The following PLCH1 variants were observed in gnomAD, a reference collection of about 807,000 sequenced individuals.
PLCH1 encodes the protein phospholipase C eta 1.
In PLCH1, 60 loss-of-function variants were observed where a neutral mutation model predicts 126.7. The ratio of observed to expected loss-of-function variants is 0.47; its 90% confidence interval spans 0.38 to 0.59. PLCH1 has a LOEUF of 0.59. PLCH1 is among the 20% of genes least tolerant of loss of function. The pLI, the probability that PLCH1 is intolerant of heterozygous loss-of-function variation, is 0.00. For synonymous variants in PLCH1, 719 were observed against 734.9 expected (o/e 0.98, Z 0.35); for missense variants, 1,723 against 2,040.0 (o/e 0.84, Z 2.99).
chr3:155,611,748 A>G (rs1308576030), intron 2 of PLCH1, among the ~76,000 whole-genome samples: 1 of 152,228 alleles, frequency 6.6e-6, no homozygotes, highest in Non-Finnish European at 1.5e-5. Context: ...ATTCTCCAAG[A>G]CAGATTATAT....
intron 9 of PLCH1, among the ~76,000 whole-genome samples, chr3:155,552,648 T>C (rs569255516): frequency 6.6e-6 from 1 of 152,068 alleles, no homozygotes; most frequent in South Asian, 2.1e-4. Context: ...TAAATCTCTG[T>C]GGAATAATGG....
intron 2 of PLCH1, among the ~76,000 whole-genome samples, chr3:155,609,550 T>G (rs1273640211): frequency 6.6e-6 from 1 of 152,154 alleles, no homozygotes; most frequent in Non-Finnish European, 1.5e-5. Context: ...AACAAATCTG[T>G]GAATTGCCAG....
chr3:155,717,722 A>T (rs561415739), intron 1 of PLCH1, among the ~76,000 whole-genome samples: 1 of 152,300 alleles, frequency 6.6e-6, no homozygotes, highest in South Asian at 2.1e-4. Flanking sequence ...CTTCAGTCCT[A>T]CTAGGTCTCA....
At chr3:155,575,515 A>G (rs1401261912) in intron 6 of PLCH1, among the ~76,000 whole-genome samples, 2 of 152,234 alleles carry the variant, frequency 1.3e-5, no homozygotes, top group Non-Finnish European at 2.9e-5. Flanking sequence ...ATGGCCCTGT[A>G]GCAGGGAAAC....
intron 10 of PLCH1, among the ~76,000 whole-genome samples, chr3:155,533,999 A>C (rs1177496170): frequency 1.3e-5 from 2 of 152,222 alleles, no homozygotes; most frequent in African/African-American, 4.8e-5. Flanking sequence ...AGTATGCTAC[A>C]GGGGTGGAGC....
At position 155,520,150 on chromosome 3, in the gene PLCH1, A is replaced by G. The variant is rs78596832; in HGVS notation, c.1470+3747T>C. 7.2e-3 allele frequency among the ~76,000 whole-genome samples: 1,104 copies of G among 152,336 alleles called. 8 individuals carry two copies. Among genetic ancestry groups the G allele is most frequent in the Non-Finnish European group, 0.012 (805 of 68,036 alleles). ...CTACCCCTTGTCGCCAGGATGTACT[A>G]GCATGCCCAGCACCTGGGCTTTTTG... On this transcript the variant is annotated intron_variant, in intron 11 of 22. Coordinates refer to ENST00000460012, the MANE Select transcript of PLCH1 (RefSeq NM_014996.4).
At chr3:155,651,768 T>C (rs547929415) in intron 2 of PLCH1, among the ~76,000 whole-genome samples, 149 of 152,354 alleles carry the variant, frequency 9.8e-4, no homozygotes, top group Non-Finnish European at 5.9e-5. Flanking sequence ...AGGGGATCCC[T>C]AATTCCTTCT....
At chr3:155,638,597 A>G (rs1053679151) in intron 2 of PLCH1, among the ~76,000 whole-genome samples, 3 of 152,180 alleles carry the variant, frequency 2.0e-5, no homozygotes, top group African/African-American at 7.2e-5. Context: ...TTGCATGTGA[A>G]TGTTTATTTG....
At chr3:155,545,482 C>T (rs1725121265) in intron 10 of PLCH1, among the ~76,000 whole-genome samples, 1 of 148,396 alleles carries the variant, frequency 6.7e-6, no homozygotes, top group African/African-American at 2.5e-5. Flanking sequence ...GGTACCATTC[C>T]TTCTGAAACT....
rs1336088186 is a variant in PLCH1 at position 155,550,402 on chromosome 3, C to T, written c.1191-444G>A. On this transcript the variant is annotated intron_variant, in intron 9 of 22. Coordinates refer to ENST00000460012, the MANE Select transcript of PLCH1 (RefSeq NM_014996.4). ...ATTGACTCTAAAATATATAATTAACCCCCACCTTGAAAATTATGATTGAGG... is the reference window on the plus strand; with the variant it reads ...ATTGACTCTAAAATATATAATTAACTCCCACCTTGAAAATTATGATTGAGG... Among the ~76,000 whole-genome samples, 3 of 151,994 alleles carry T rather than the reference C, an allele frequency of 2.0e-5. 1 individual carries two copies. The highest frequency in any genetic ancestry group is 7.3e-5 in the African/African-American group (3 of 41,378).
In PLCH1 at chr3:155,586,180, G is replaced by T; in HGVS notation, c.485C>A (p.Thr162Asn). Residue 162 changes from threonine to asparagine, a missense_variant, in exon 5 of 23, where the codon ACC (threonine) becomes AAC (asparagine). Thr to Asn is a moderately conservative substitution (Grantham distance 65). Transcript: ENST00000460012. ...QRTHDQWVKQ[T>N]FEEADKNGDG... The stretch of plus-strand genomic sequence containing the variant: ...ACCATTCTTATCAGCTTCCTCAAAG[G>T]TCTGCTTCACCCATGTGCAGAAAGG... The T allele has an allele frequency of 2.5e-6, 4 of 1,614,062 alleles. No homozygotes were observed. The highest frequency in any genetic ancestry group is 2.5e-6 in the Non-Finnish European group (3 of 1,179,962).
chr3:155,667,203 T>C (rs572605132), intron 2 of PLCH1, among the ~76,000 whole-genome samples: 13 of 152,188 alleles, frequency 8.5e-5, no homozygotes, highest in Non-Finnish European at 1.8e-4. Flanking sequence ...TCGCTTGTCT[T>C]TTGCTATAAT....
chr3:155,481,400 C>T lies in PLCH1; in HGVS notation c.4626G>A (p.Val1542=), dbSNP rs371623681. 3.1e-6 allele frequency: 5 copies of T among 1,614,118 alleles called. No individual in the cohort carries two copies. Among genetic ancestry groups the T allele is most frequent in the Non-Finnish European group, 4.2e-6 (5 of 1,180,050 alleles). The stretch of plus-strand genomic sequence containing the variant: ...GGCAGTTGTCTTCCTGGTCAAAGGA[C>T]ACAAGCTTCCGAAGCTGCTCGGTCA... ...DALTEQLRKL[V]SFDQEDNCQV... is the part of the protein sequence containing the mutation. The change falls in exon 23 of 23, where the codon GTG becomes GTA. Residue 1542 remains valine (V), a synonymous_variant. Coordinates refer to ENST00000460012, the MANE Select transcript of PLCH1 (RefSeq NM_014996.4). This position sits in a 1 kb window ranked among gnomAD's most constrained non-coding sequence, Gnocchi z 4.2.
Position 155,570,769 on chromosome 3 carries a change from A to G in PLCH1, c.772-2445T>C, listed in dbSNP as rs144706463. ...TCAAGTCCAAAGCACTTTCTTGTAT[A>G]ACTATTCTCTGGGCATTTTTCTTTA... is the stretch of plus-strand genomic sequence containing the variant. On this transcript the variant is annotated intron_variant, in intron 6 of 22. Transcript: ENST00000460012. Among the ~76,000 whole-genome samples, 638 of 152,322 alleles carry G rather than the reference A, an allele frequency of 4.2e-3. 1 individual carries two copies. The highest frequency in any genetic ancestry group is 7.1e-3 in the Admixed American group (108 of 15,296).
chr3:155,473,524 C>G (rs560306643), intron 21 of PLCH1, among the ~76,000 whole-genome samples: 12 of 149,574 alleles, frequency 8.0e-5, no homozygotes, highest in African/African-American at 2.7e-4. Flanking sequence ...AGATTCAATG[C>G]CATCCCCATC....
chr3:155,620,236 A>G (rs970041210), intron 2 of PLCH1, among the ~76,000 whole-genome samples: 5 of 152,248 alleles, frequency 3.3e-5, no homozygotes, highest in South Asian at 2.1e-4. Flanking sequence ...CAAAAAAGAA[A>G]AAAAGGCCAG....
At chr3:155,517,398 T>A (rs1720489792) in intron 11 of PLCH1, among the ~76,000 whole-genome samples, 1 of 152,172 alleles carries the variant, frequency 6.6e-6, no homozygotes, top group Admixed American at 6.5e-5. Flanking sequence ...GTACTTATTT[T>A]CTCACACGTC....
At chr3:155,676,042 A>T (rs1426968570) in intron 2 of PLCH1, 2 of 1,535,716 alleles carry the variant, frequency 1.3e-6, no homozygotes, top group South Asian at 2.5e-5. Flanking sequence ...TCTGCCATTA[A>T]ATTTAATACT....
intron 2 of PLCH1, among the ~76,000 whole-genome samples, chr3:155,602,536 T>TCA (rs1476743158): frequency 2.5e-4 from 35 of 142,424 alleles, no homozygotes; most frequent in African/African-American, 7.8e-4. Context: ...TGTGTGAACA[T>TCA]CATAGTGTAT....
Sources: gnomAD v4.1 joint callset for allele counts (sites outside exome capture counted in the v4.1 genomes callset) on GRCh38, gnomAD v4.1.1 for gene constraint, Gnocchi (gnomAD v3.1) non-coding constraint, MANE v1.5 for transcripts, NCBI Gene and HGNC (gene_info 2026-07-23, HGNC 2026-07-21) for gene names.